Variants in ADAP1 observed in about 807,000 individuals in gnomAD.
The protein encoded by ADAP1 is ArfGAP with dual PH domains 1, also known as arf-GAP with dual PH domain-containing protein 1.
A neutral mutation model predicts 54.9 loss-of-function variants in ADAP1; 31 were observed. The observed-to-expected ratio is 0.56, with a 90% CI of 0.42 to 0.76. ADAP1 has a LOEUF of 0.76. Among genes scored for constraint, ADAP1 ranks in the 30% least tolerant of loss-of-function variants. The pLI, the probability that ADAP1 is intolerant of heterozygous loss-of-function variation, is 0.00. For missense variants in ADAP1, 535 were observed against 512.4 expected, an observed-to-expected ratio of 1.04 and a Z score of -0.42; for synonymous variants, 313 against 202.6, an observed-to-expected ratio of 1.55 and a Z score of -4.63.
intron 1 of ADAP1, among the ~76,000 whole-genome samples, chr7:939,426 C>T (rs1277433356): frequency 6.6e-6 from 1 of 151,218 alleles, no homozygotes; most frequent in African/African-American, 2.4e-5. Flanking sequence ...ACCATGTTGG[C>T]CAGGCTGGTC....
Position 920,652 on chromosome 7 carries a change from C to T in ADAP1, c.306-602G>A. ...AAACTACCGGCAAATACCCAAGAATCCAGGAAGACCCGGGATGAGGAGAAG... is the reference window on the plus strand; with the variant it reads ...AAACTACCGGCAAATACCCAAGAATTCAGGAAGACCCGGGATGAGGAGAAG... On this transcript the variant is annotated intron_variant, in intron 3 of 10. Transcript: ENST00000265846. This position sits in a 1 kb window ranked among gnomAD's most constrained non-coding sequence, Gnocchi z 4.5. The T allele has an allele frequency of 2.6e-6, 2 of 757,258 alleles. No individual in the cohort carries two copies. The highest frequency in any genetic ancestry group is 4.2e-6 in the Non-Finnish European group (2 of 481,692). The allele number at this position is 757,258 out of a possible 1,614,324, so 46.9% of individuals were successfully genotyped here. A position where few individuals can be genotyped will look rare whatever the true frequency, so the allele number is the denominator to read the frequency against.
Position 927,350 on chromosome 7 carries a change from C to T in ADAP1, c.214-706G>A, listed in dbSNP as rs532374433. 177 of 824,932 alleles carry T rather than the reference C, an allele frequency of 2.1e-4. No individual in the cohort carries two copies. The South Asian group carries it at 2.5e-3, about 12-fold the overall frequency. 51.1% of individuals were successfully genotyped at this position (824,932 alleles called of 1,614,324 possible). A position where few individuals can be genotyped will look rare whatever the true frequency, so the allele number is the denominator to read the frequency against. ...GGGTGGACGCTGGCAATGACCCTGC[C>T]GCCAGCCAGGTATGGTGAGCCTTGA... On this transcript the variant is annotated intron_variant, in intron 2 of 10. Coordinates refer to ENST00000265846, the MANE Select transcript of ADAP1 (RefSeq NM_006869.4).
Position 905,283 on chromosome 7 carries a change from GACGGGGGAC to G in ADAP1, c.389-120_389-112del, listed in dbSNP as rs1403857717. The G allele has an allele frequency of 1.7e-5, 7 of 406,410 alleles. 1 individual carries two copies. In the African/African-American group the frequency reaches 2.5e-4, roughly 15 times the overall value. The allele number at this position is 406,410 out of a possible 1,614,324, so 25.2% of individuals were successfully genotyped here. A position where few individuals can be genotyped will look rare whatever the true frequency, so the allele number is the denominator to read the frequency against. On this transcript the variant is annotated intron_variant, in intron 4 of 10. Transcript: ENST00000265846. ...ATGGGGAGAAGACACGGGGGACACGGACGGGGGACACGGACAGGGGGAGACGGACGGGGA... is the reference window on the plus strand; with the variant it reads ...ATGGGGAGAAGACACGGGGGACACGGACGGACAGGGGGAGACGGACGGGGA...
At chr7:923,517 C>T (rs931533554) in intron 3 of ADAP1, among the ~76,000 whole-genome samples, 2 of 152,056 alleles carry the variant, frequency 1.3e-5, no homozygotes, top group Non-Finnish European at 2.9e-5. Flanking sequence ...CAGGAAGAGA[C>T]GGGTCCCGGC....
At chr7:921,037 T>G (rs772795244) in intron 3 of ADAP1, 2 of 592,872 alleles carry the variant, frequency 3.4e-6, no homozygotes, top group Non-Finnish European at 5.9e-6. Context: ...TGTGTGTGTG[T>G]CCCCCACCTG....
chr7:908,830 T>C lies in ADAP1; in HGVS notation c.389-3658A>G, dbSNP rs977704084. 2.6e-5 allele frequency among the ~76,000 whole-genome samples: 4 copies of C among 152,198 alleles called. No homozygotes were observed. The East Asian group carries it at 7.7e-4, about 29-fold the overall frequency. On this transcript the variant is annotated intron_variant, in intron 4 of 10. Coordinates refer to ENST00000265846, the MANE Select transcript of ADAP1 (RefSeq NM_006869.4). Reference sequence around the variant, plus strand: ...GGAGCCTCCAAGGCGTGCGTGTCCGTGTCACCAATGCAGACGACAAGTTTG... The same window carrying C: ...GGAGCCTCCAAGGCGTGCGTGTCCGCGTCACCAATGCAGACGACAAGTTTG...
At chr7:909,614 A>C (rs947515718) in intron 4 of ADAP1, among the ~76,000 whole-genome samples, 10 of 152,310 alleles carry the variant, frequency 6.6e-5, no homozygotes, top group African/African-American at 2.2e-4. Context: ...CCAGGACCTC[A>C]GGGGCCTGCA....
chr7:905,547 G>GA (rs1297118971), intron 4 of ADAP1: 2 of 44,242 alleles, frequency 4.5e-5, no homozygotes, highest in Non-Finnish European at 8.5e-5. Context: ...GGAGAAGGGA[G>GA]AAGGGAGAAA....
At chr7:914,263 C>G (rs566452517) in intron 4 of ADAP1, among the ~76,000 whole-genome samples, 1 of 152,226 alleles carries the variant, frequency 6.6e-6, no homozygotes, top group Non-Finnish European at 1.5e-5. Flanking sequence ...GTGGGTGTGG[C>G]AGGCCCTTCC....
In ADAP1 at chr7:926,042, C is replaced by T. The variant is rs1035399638; in HGVS notation, c.305+511G>A. Among the ~76,000 whole-genome samples, 2 of 152,070 alleles carry T rather than the reference C, an allele frequency of 1.3e-5. No individual in the cohort carries two copies. The highest frequency in any genetic ancestry group is 2.9e-5 in the Non-Finnish European group (2 of 67,980). On this transcript the variant is annotated intron_variant, in intron 3 of 10. Coordinates refer to ENST00000265846, the MANE Select transcript of ADAP1 (RefSeq NM_006869.4). The surrounding 1 kb of genome is among the most constrained non-coding windows in gnomAD (Gnocchi z 4.6). ...ATGGGGAGACTGAGGCTTGGAGGGG[C>T]GGGTGTTGGTGAAGGCGGCTGATGT... is the stretch of plus-strand genomic sequence containing the variant.
intron 4 of ADAP1, among the ~76,000 whole-genome samples, chr7:909,431 C>T (rs1334351836): frequency 6.6e-6 from 1 of 152,030 alleles, no homozygotes; most frequent in Non-Finnish European, 1.5e-5. Flanking sequence ...GAACCCCGGT[C>T]CTCCCGACAG....
At chr7:902,869 G>A (rs1255059243) in intron 6 of ADAP1, among the ~76,000 whole-genome samples, 4 of 152,198 alleles carry the variant, frequency 2.6e-5, no homozygotes, top group African/African-American at 4.8e-5. Context: ...AAAGCCTTCA[G>A]AATTAGCAGG....
chr7:914,552 G>GGGCTCAGGGTGGGGGCCATGGGGA (rs1845853338), intron 4 of ADAP1, among the ~76,000 whole-genome samples: 1 of 152,164 alleles, frequency 6.6e-6, no homozygotes, highest in African/African-American at 2.4e-5. Context: ...ACCCAGACAT[G>GGGCTCAGGGTGGGGGCCATGGGGA]GGCTCAGGGT....
rs757956675 is a variant in ADAP1, at chr7:899,395, G to A, written c.867+24C>T. On this transcript the variant is annotated intron_variant, in intron 9 of 10. Transcript: ENST00000265846. ...CCCAGCCAGTGAGCTGCCCTCCCGT[G>A]CTGGGGCCACAGCTCCTCCTTACCA... The A allele has an allele frequency of 2.5e-6, 4 of 1,612,222 alleles. No individual in the cohort carries two copies. In the South Asian group the frequency reaches 3.3e-5, roughly 13 times the overall value.
chr7:929,288 T>C (rs1334932655), intron 2 of ADAP1, among the ~76,000 whole-genome samples: 1 of 136,982 alleles, frequency 7.3e-6, no homozygotes, highest in African/African-American at 2.8e-5. Context: ...CGAGACTCCA[T>C]CTCAAAAAAA....
rs369377415 is a variant in ADAP1 at position 907,742 on chromosome 7, G to A, written c.389-2570C>T. Among the ~76,000 whole-genome samples the A allele has an allele frequency of 1.8e-4, 28 of 152,324 alleles. No homozygotes were observed. In the East Asian group the frequency reaches 2.5e-3, roughly 14 times the overall value. On this transcript the variant is annotated intron_variant, in intron 4 of 10. Transcript: ENST00000265846. The stretch of plus-strand genomic sequence containing the variant: ...TTGCAGCATCCGTGTCCTGGGCTCC[G>A]TCTGCCAGGCCTTGGGTCGCGTGCA...
At chr7:902,612 A>C (rs1392079608) in intron 6 of ADAP1, among the ~76,000 whole-genome samples, 1 of 151,852 alleles carries the variant, frequency 6.6e-6, no homozygotes, top group East Asian at 1.9e-4. Context: ...TAGAAGAAAA[A>C]TGAACCAGTT....
chr7:899,130 C>G lies in ADAP1; in HGVS notation c.999G>C (p.Lys333Asn), dbSNP rs186866485. 6.2e-7 allele frequency: 1 copy of G among 1,610,030 alleles called. No homozygotes were observed. The highest frequency in any genetic ancestry group is 1.3e-5 in the African/African-American group (1 of 75,066). Reference sequence around the variant, plus strand: ...ACTCCGTCTCGCAGGCAAACAGAAACTTGCGGTCGGGCGTGACGATGGTGA... The same window carrying G: ...ACTCCGTCTCGCAGGCAAACAGAAAGTTGCGGTCGGGCGTGACGATGGTGA... ...HGITIVTPDR[K>N]FLFACETESD... Residue 333 changes from lysine to asparagine, a missense_variant, in exon 10 of 11, where the codon AAG becomes AAC. By Grantham distance (94) the Lys-to-Asn change is moderately conservative. Coordinates refer to ENST00000265846, the MANE Select transcript of ADAP1 (RefSeq NM_006869.4).
chr7:899,912 G>A (rs900390072), intron 8 of ADAP1, among the ~76,000 whole-genome samples, 190 bp downstream of exon 8: 1 of 152,220 alleles, frequency 6.6e-6, no homozygotes, highest in East Asian at 1.9e-4. Context: ...GGCAGGGAGG[G>A]TCTAACCAAA....
Sources: allele counts gnomAD v4.1 joint callset (sites outside exome capture counted in the v4.1 genomes callset), GRCh38; gene constraint gnomAD v4.1.1; non-coding constraint Gnocchi (gnomAD v3.1); transcripts MANE v1.5; gene names NCBI Gene and HGNC (gene_info 2026-07-23, HGNC 2026-07-21).